The following SMC1B variants were observed in gnomAD, a reference collection of about 807,000 sequenced individuals.
SMC1B encodes the protein structural maintenance of chromosomes protein 1B.
In SMC1B, 60 loss-of-function variants were observed where a neutral mutation model predicts 157.9. The ratio of observed to expected loss-of-function variants is 0.38; its 90% CI spans 0.31 to 0.47. SMC1B has a LOEUF of 0.47. Among genes scored for constraint, SMC1B ranks in the 20% least tolerant of loss-of-function variants. The pLI is 0.99. For missense variants in SMC1B, 1,165 were observed against 1,426.2 expected (o/e 0.82, Z 2.95); for synonymous variants, 445 against 483.0 (o/e 0.92, Z 1.03).
At chr22:45,381,189 T>C (rs1343926452) in intron 12 of SMC1B, among the ~76,000 whole-genome samples, 2 of 152,094 alleles carry the variant, frequency 1.3e-5, no homozygotes, top group Non-Finnish European at 2.9e-5. Context: ...AATGCTCCAT[T>C]ACTTTTTTTG....
intron 1 of SMC1B, 125 bp from the exon 2 acceptor site, chr22:45,409,023 G>A: frequency 1.8e-6 from 1 of 568,518 alleles, no homozygotes. Context: ...TTTAATCAAT[G>A]TTCAAAATGC....
chr22:45,369,446 C>T (rs767183087), intron 15 of SMC1B, among the ~76,000 whole-genome samples: 1 of 151,612 alleles, frequency 6.6e-6, no homozygotes, highest in African/African-American at 2.4e-5. Flanking sequence ...TGCCCCTATT[C>T]TCTTATTTTG....
At chr22:45,409,974 A>C (rs1239055712) in intron 1 of SMC1B, among the ~76,000 whole-genome samples, 1 of 152,184 alleles carries the variant, frequency 6.6e-6, no homozygotes, top group Non-Finnish European at 1.5e-5. Flanking sequence ...CTATGTGACA[A>C]TCTCCCGATA....
intron 1 of SMC1B, among the ~76,000 whole-genome samples, chr22:45,411,176 C>A (rs2087328970): frequency 2.7e-5 from 4 of 149,384 alleles, no homozygotes; most frequent in Admixed American, 6.7e-5. Context: ...TAACATACCA[C>A]AAAGTGGCAA....
rs753779938 is a variant in SMC1B, at chr22:45,399,172, C to A, written c.1036G>T (p.Ala346Ser). 53 of 1,613,880 alleles carry A rather than the reference C, an allele frequency of 3.3e-5. No individual in the cohort carries two copies. In the East Asian group the frequency reaches 1.2e-3, roughly 35 times the overall value. The change falls in exon 6 of 25, where the codon GCA becomes TCA. Residue 346 changes from alanine to serine, a missense_variant. Transcript: ENST00000357450. ...LETELADLDA[A>S]WRSFEKQIEE... ...ATCTGCTTTTCAAAACTTCTCCATGCAGCATCTAAATCAGCCAGCTCTGTC... is the reference window on the plus strand; with the variant it reads ...ATCTGCTTTTCAAAACTTCTCCATGAAGCATCTAAATCAGCCAGCTCTGTC...
At chr22:45,366,775 C>T (rs1392981503) in intron 15 of SMC1B, among the ~76,000 whole-genome samples, 1 of 152,214 alleles carries the variant, frequency 6.6e-6, no homozygotes, top group Non-Finnish European at 1.5e-5. Context: ...CACTCAGCCA[C>T]AGATAATTCT....
At chr22:45,381,945 A>G (rs1192407113) in intron 12 of SMC1B, among the ~76,000 whole-genome samples, 1 of 152,242 alleles carries the variant, frequency 6.6e-6, no homozygotes, top group South Asian at 2.1e-4. Context: ...AGCATTCTAT[A>G]TTGATTTAGC....
chr22:45,355,142 C>T (rs1404090074), intron 19 of SMC1B, 27 bp from the exon 20 acceptor site: 1 of 1,613,122 alleles, frequency 6.2e-7, no homozygotes, highest in Non-Finnish European at 8.5e-7. Flanking sequence ...ACAACACTGA[C>T]TGGCATGGCA....
chr22:45,406,023 A>G (rs1794628101), intron 4 of SMC1B, among the ~76,000 whole-genome samples: 1 of 152,224 alleles, frequency 6.6e-6, no homozygotes, highest in African/African-American at 2.4e-5. Flanking sequence ...TTAACATGTA[A>G]TGAGTTTATT....
chr22:45,371,468 G>A lies in SMC1B; in HGVS notation c.2313+3C>T, dbSNP rs1425236571. On this transcript the variant is annotated splice_donor_region_variant and intron_variant, in intron 14 of 24. Transcript: ENST00000357450. The stretch of plus-strand genomic sequence containing the variant: ...ATTTAGGAATAAATATAACATTCAT[G>A]ACCTTATCTATCTTTTCTTGAAATT... The A allele has an allele frequency of 6.3e-7, 1 of 1,588,278 alleles. No individual in the cohort carries two copies.
intron 23 of SMC1B, among the ~76,000 whole-genome samples, chr22:45,346,129 C>G (rs529469879): frequency 6.6e-6 from 1 of 151,224 alleles, no homozygotes; most frequent in Non-Finnish European, 1.5e-5. Flanking sequence ...CGCTTGAACC[C>G]GGGAGGTAGA....
chr22:45,370,386 A>G (rs1415089275), intron 14 of SMC1B, among the ~76,000 whole-genome samples: 1 of 152,238 alleles, frequency 6.6e-6, no homozygotes, highest in East Asian at 1.9e-4. Flanking sequence ...TAAATAAAGG[A>G]AAGATTCTTT....
intron 24 of SMC1B, 71 bp downstream of exon 24, chr22:45,345,388 C>G (rs2146746994): frequency 1.2e-6 from 1 of 847,812 alleles, no homozygotes; most frequent in African/African-American, 1.7e-5. Flanking sequence ...ATTAGGAAAG[C>G]CCAGTGGCTG....
Position 45,386,972 on chromosome 22 carries a change from A to C in SMC1B, c.1806T>G (p.Phe602Leu), listed in dbSNP as rs2086996357. The change falls in exon 11 of 25, where the codon TTT becomes TTG. Residue 602 changes from phenylalanine to leucine, a missense_variant. Coordinates refer to ENST00000357450, the MANE Select transcript of SMC1B (RefSeq NM_148674.5). ...ACTGAATCACTTTCTTCAGCTGAGG[A>C]AACTGAGTCTTTATGACATCAATCA... is the stretch of plus-strand genomic sequence containing the variant. The part of the protein sequence containing the change: ...KMVIDVIKTQ[F>L]PQLKKVIQFV... The C allele has an allele frequency of 4.3e-6, 7 of 1,614,158 alleles. No homozygotes were observed. The highest frequency in any genetic ancestry group is 5.9e-6 in the Non-Finnish European group (7 of 1,180,002).
chr22:45,369,891 A>G, intron 15 of SMC1B, 63 bp downstream of exon 15: 1 of 967,954 alleles, frequency 1.0e-6, no homozygotes, highest in Non-Finnish European at 1.5e-6. Flanking sequence ...CCTCTAAATT[A>G]TGAAATAATA....
At chr22:45,411,623 G>A (rs981262231) in intron 1 of SMC1B, among the ~76,000 whole-genome samples, 14 of 152,122 alleles carry the variant, frequency 9.2e-5, no homozygotes, top group Non-Finnish European at 1.9e-4. Flanking sequence ...TTGTTCTGTT[G>A]TTGCCCAGGC....
chr22:45,349,007 A>G (rs2086581420), intron 23 of SMC1B, among the ~76,000 whole-genome samples: 2 of 143,012 alleles, frequency 1.4e-5, no homozygotes, highest in African/African-American at 2.6e-5. Context: ...CCCAGCCTAC[A>G]AGGACTGATT....
At chr22:45,389,562 TATATTTA>T in intron 10 of SMC1B, 143 bp downstream of exon 10, 1 of 625,830 alleles carries the variant, frequency 1.6e-6, no homozygotes, top group Non-Finnish European at 2.8e-6. Context: ...TGCTTGCCAA[TATATTTA>T]ACACCAGCCA....
chr22:45,349,784 G>A lies in SMC1B; in HGVS notation c.3439C>T (p.Pro1147Ser). 2 of 1,609,518 alleles carry A rather than the reference G, an allele frequency of 1.2e-6. No individual in the cohort carries two copies. The highest frequency in any genetic ancestry group is 1.7e-6 in the Non-Finnish European group (2 of 1,178,572). Residue 1147 changes from proline to serine, a missense_variant, in exon 23 of 25, where the codon CCA becomes TCA. Physicochemically the swap from Pro to Ser is moderately conservative, Grantham distance 74 (BLOSUM62 -1). Coordinates refer to ENST00000357450, the MANE Select transcript of SMC1B (RefSeq NM_148674.5). ...TCCACTTCATCTAAAACAAAGAATGGGGCAGGACGAAAACTAGAAAAAAAT... is the reference window on the plus strand; with the variant it reads ...TCCACTTCATCTAAAACAAAGAATGAGGCAGGACGAAAACTAGAAAAAAAT... Reference protein sequence around the residue: ...LFAVHSFRPAPFFVLDEVDAA... With the variant: ...LFAVHSFRPASFFVLDEVDAA...
Sources: allele counts gnomAD v4.1 joint callset (sites outside exome capture counted in the v4.1 genomes callset), GRCh38; gene constraint gnomAD v4.1.1; transcripts MANE v1.5; gene names NCBI Gene and HGNC (gene_info 2026-07-23, HGNC 2026-07-21).